MTCL1: variants seen among roughly 807,000 people sequenced by gnomAD.
The protein encoded by MTCL1 is microtubule crosslinking factor 1.
MTCL1 carries 79 observed loss-of-function variants against 141.4 expected under a neutral mutation model. That is an observed-to-expected ratio of 0.56 (90% CI 0.47 to 0.67). The LOEUF (loss-of-function observed/expected upper bound fraction) is 0.67. Ranked by LOEUF, MTCL1 falls within the 30% of genes least tolerant of loss-of-function variation. MTCL1 has a pLI of 0.00. For missense variants in MTCL1, 2,177 were observed against 2,113.9 expected (o/e 1.03, Z -0.59); for synonymous variants, 914 against 875.8 (o/e 1.04, Z -0.77).
At chr18:8,721,652 G>A (rs117955838) in intron 4 of MTCL1, among the ~76,000 whole-genome samples, 1,967 of 152,132 alleles carry the variant, frequency 0.013, 12 homozygotes, top group Middle Eastern at 0.031. Context: ...CTCAACACTC[G>A]TGAAAGTTGT....
exon 9 of MTCL1, chr18:8,796,421 C>G (rs779512478): frequency 1.2e-6 from 2 of 1,614,152 alleles, no homozygotes; most frequent in Non-Finnish European, 1.7e-6. Context: ...ACACTGGCGG[C>G]AAGGGAAGCA....
At chr18:8,726,183 A>C (rs946350618) in intron 4 of MTCL1, among the ~76,000 whole-genome samples, 21 of 151,082 alleles carry the variant, frequency 1.4e-4, no homozygotes, top group African/African-American at 5.1e-4. Flanking sequence ...CTTTATTCTA[A>C]TGTATTGCTT....
intron 4 of MTCL1, among the ~76,000 whole-genome samples, chr18:8,733,726 T>C (rs887013633): frequency 1.3e-5 from 2 of 152,100 alleles, no homozygotes; most frequent in African/African-American, 4.8e-5. Flanking sequence ...TGTTAATGAT[T>C]GAGAACCTCA....
At position 8,786,015 on chromosome 18, in the gene MTCL1, C is replaced by T. The variant is rs764603373; in HGVS notation, c.1811C>T (p.Ala604Val). Residue 604 changes from alanine (A) to valine (V), a missense_variant, in exon 7 of 17, where the codon GCG (alanine) becomes GTG (valine). Physicochemically the swap from Ala to Val is moderately conservative, Grantham distance 64. Coordinates refer to ENST00000359865, the Ensembl canonical transcript of MTCL1. ...CGGGAGAGCCTGCGCCTCCGAGCCG[C>T]GCGGGAGCTGCACCGCCGCGCAGAC... 99 of 1,584,044 alleles carry T rather than the reference C, an allele frequency of 6.2e-5. No homozygotes were observed. Among genetic ancestry groups the T allele is most frequent in the Non-Finnish European group, 7.4e-5 (86 of 1,156,274 alleles).
At position 8,705,996 on chromosome 18, in the gene MTCL1, G is replaced by T; in HGVS notation, c.336G>T (p.Pro112=). ...TCCCGGGCGCGAAGGACAAGCCCCCGCCGGGCGCCGGGGCCAGAGCGGCGG... is the reference window on the plus strand; with the variant it reads ...TCCCGGGCGCGAAGGACAAGCCCCCTCCGGGCGCCGGGGCCAGAGCGGCGG... The change falls in exon 1 of 14, where the codon CCG becomes CCT. Residue 112 remains proline (P), a synonymous_variant. Transcript: ENST00000306329. This position sits in a 1 kb window ranked among gnomAD's most constrained non-coding sequence, Gnocchi z 5.2. 1.7e-6 allele frequency: 2 copies of T among 1,147,592 alleles called. No individual in the cohort carries two copies. The highest frequency in any genetic ancestry group is 2.1e-6 in the Non-Finnish European group (2 of 935,694). 71.1% of individuals were successfully genotyped at this position (1,147,592 alleles called of 1,614,324 possible). A position where few individuals can be genotyped will look rare whatever the true frequency, so the allele number is the denominator to read the frequency against.
chr18:8,786,311 G>A, intron 7 of MTCL1: 1 of 704,002 alleles, frequency 1.4e-6, no homozygotes, highest in Non-Finnish European at 2.6e-6. Flanking sequence ...TCAGACAGAG[G>A]GACAGCTCAC....
chr18:8,796,120 C>T, intron 8 of MTCL1, 112 bp from the exon 8 acceptor site: 1 of 1,032,928 alleles, frequency 9.7e-7, no homozygotes. Flanking sequence ...TGTTTCACGT[C>T]TCATATGCAG....
chr18:8,719,311 CT>C (rs2096152013), intron 3 of MTCL1, among the ~76,000 whole-genome samples: 1 of 152,180 alleles, frequency 6.6e-6, no homozygotes, highest in Admixed American at 6.5e-5. Context: ...CTTGTGAAAT[CT>C]CATCTAGCCT....
intron 4 of MTCL1, among the ~76,000 whole-genome samples, chr18:8,744,960 T>C (rs1013784569): frequency 1.6e-4 from 24 of 152,240 alleles, no homozygotes; most frequent in African/African-American, 5.1e-4. Flanking sequence ...CCCCCTGAGC[T>C]GTCCGGCTGT....
exon 9 of MTCL1, chr18:8,796,341 T>C: frequency 6.2e-7 from 1 of 1,614,212 alleles, no homozygotes; most frequent in South Asian, 1.1e-5. Context: ...AAGAATCTGA[T>C]GCAGCAGGAG....
At chr18:8,807,465 T>C (rs1048150396) in intron 11 of MTCL1, among the ~76,000 whole-genome samples, 3 of 152,342 alleles carry the variant, frequency 2.0e-5, no homozygotes, top group Non-Finnish European at 4.4e-5. Flanking sequence ...TTGAGATTTT[T>C]CAAAATATCA....
Position 8,765,317 on chromosome 18 carries a change from G to A in MTCL1, c.358-12516G>A, listed in dbSNP as rs529905985. Among the ~76,000 whole-genome samples, 168 of 152,338 alleles carry A rather than the reference G, an allele frequency of 1.1e-3. 1 individual carries two copies. Among genetic ancestry groups the A allele is most frequent in the African/African-American group, 3.9e-3 (162 of 41,580 alleles). ...GCAACTATGCCAGAGACACACTCACGCTCTGCCCCAGTGAGCCCAAGGGGC... is the reference window on the plus strand; with the variant it reads ...GCAACTATGCCAGAGACACACTCACACTCTGCCCCAGTGAGCCCAAGGGGC... On this transcript the variant is annotated intron_variant, in intron 4 of 16. Transcript: ENST00000359865.
exon 15 of MTCL1, chr18:8,825,377 C>T (rs1488277613): frequency 2.0e-6 from 3 of 1,538,272 alleles, no homozygotes; most frequent in South Asian, 2.6e-5. Context: ...AGGTGGCCTT[C>T]TCTGTCAGGA....
At chr18:8,825,954 G>A in exon 15 of MTCL1, 1 of 1,599,316 alleles carries the variant, frequency 6.3e-7, no homozygotes, top group Non-Finnish European at 8.5e-7. Flanking sequence ...GCTGGGCCCA[G>A]GCCAGGAAAC....
intron 4 of MTCL1, among the ~76,000 whole-genome samples, chr18:8,756,258 C>T (rs2096397087): frequency 1.3e-5 from 2 of 152,042 alleles, no homozygotes; most frequent in South Asian, 4.1e-4. Context: ...GTCACATTTC[C>T]ACTACAGAAC....
At chr18:8,743,489 A>G (rs2096316458) in intron 4 of MTCL1, among the ~76,000 whole-genome samples, 1 of 152,252 alleles carries the variant, frequency 6.6e-6, no homozygotes, top group African/African-American at 2.4e-5. Context: ...GTCTCATAGT[A>G]CTGTCGTTCA....
chr18:8,706,070 C>A (rs1054404101), exon 1 of MTCL1: 2 of 1,196,250 alleles, frequency 1.7e-6, no homozygotes, highest in Non-Finnish European at 2.1e-6. Context: ...CGCGTGGCGC[C>A]CGCGGAGCCG....
chr18:8,825,046 T>C, exon 15 of MTCL1: 1 of 1,613,004 alleles, frequency 6.2e-7, no homozygotes, highest in Non-Finnish European at 8.5e-7. Flanking sequence ...AAGCAGCCAC[T>C]GCGGAGCCAC....
chr18:8,743,222 T>C (rs915694965), intron 4 of MTCL1, among the ~76,000 whole-genome samples: 1 of 152,238 alleles, frequency 6.6e-6, no homozygotes, highest in Non-Finnish European at 1.5e-5. Flanking sequence ...GAACAATTTT[T>C]AAATGACATA....
Sources: gnomAD v4.1 joint callset for allele counts (sites outside exome capture counted in the v4.1 genomes callset) on GRCh38, gnomAD v4.1.1 for gene constraint, Gnocchi (gnomAD v3.1) non-coding constraint, MANE v1.5 for transcripts, NCBI Gene and HGNC (gene_info 2026-07-23, HGNC 2026-07-21) for gene names.